Variants in CPXM2 observed in about 807,000 individuals in gnomAD.
CPXM2 encodes carboxypeptidase X, M14 family member 2.
Under a neutral mutation model 86.1 loss-of-function variants are expected in CPXM2, and 66 were observed. The observed-to-expected ratio is 0.77, with a 90% confidence interval of 0.63 to 0.94. The LOEUF is 0.94. CPXM2 is among the 40% of genes least tolerant of loss of function. The probability of loss-of-function intolerance (pLI) is 0.00; values close to 1 mark genes in which losing one functional copy is unlikely to be tolerated. For missense variants in CPXM2, 948 were observed against 1,026.3 expected (o/e 0.92, Z 1.04); for synonymous variants, 388 against 400.2 (o/e 0.97, Z 0.36).
Position 123,863,347 on chromosome 10 carries a change from C to T in CPXM2, c.404-624G>A, listed in dbSNP as rs547098715. Among the ~76,000 whole-genome samples, 13 of 152,232 alleles carry T rather than the reference C, an allele frequency of 8.5e-5. No homozygotes were observed. In the South Asian group the frequency reaches 1.9e-3, roughly 22 times the overall value. On this transcript the variant is annotated intron_variant, in intron 2 of 13. Coordinates refer to ENST00000241305, the MANE Select transcript of CPXM2 (RefSeq NM_198148.3). ...TGAGTGGTGGAGCATTTAGTGAAGG[C>T]GGAGGGGTGCACACAGTGAGTGTGA...
At chr10:123,902,803 G>A (rs766586906) in intron 2 of CPXM2, among the ~76,000 whole-genome samples, 34 of 152,134 alleles carry the variant, frequency 2.2e-4, no homozygotes, top group East Asian at 1.9e-4. Flanking sequence ...CATTCAGACC[G>A]CGACACAGAG....
chr10:123,780,120 C>CT (rs1208286960), intron 7 of CPXM2, 47 bp downstream of exon 7: 2 of 1,268,144 alleles, frequency 1.6e-6, no homozygotes, highest in South Asian at 2.4e-5. Flanking sequence ...TAATATGTTG[C>CT]TTTTTTGACA....
intron 6 of CPXM2, among the ~76,000 whole-genome samples, chr10:123,785,103 C>A (rs1445080797): frequency 1.3e-5 from 2 of 152,150 alleles, no homozygotes; most frequent in Non-Finnish European, 2.9e-5. Context: ...CCCCACCCTG[C>A]GGTGCATACT....
At chr10:123,882,706 C>T (rs1367245412) in intron 1 of CPXM2, among the ~76,000 whole-genome samples, 2 of 152,092 alleles carry the variant, frequency 1.3e-5, no homozygotes, top group African/African-American at 2.4e-5. Flanking sequence ...GGGAGCCAGG[C>T]GGTCCCCCAG....
At chr10:123,913,811 T>C (rs1945510705) in intron 2 of CPXM2, 8 of 320,688 alleles carry the variant, frequency 2.5e-5, no homozygotes, top group South Asian at 2.0e-4. Context: ...GAAAGAAAGA[T>C]GGTGTGGACT....
intron 6 of CPXM2, among the ~76,000 whole-genome samples, chr10:123,785,694 G>A (rs945883409): frequency 5.3e-5 from 8 of 150,356 alleles, no homozygotes; most frequent in Admixed American, 3.3e-4. Context: ...GTACAGAGGC[G>A]CGATCTCGGC....
intron 12 of CPXM2, among the ~76,000 whole-genome samples, chr10:123,755,862 G>T (rs1197028052): frequency 6.6e-6 from 1 of 152,192 alleles, no homozygotes; most frequent in African/African-American, 2.4e-5. Context: ...AGACTGATCA[G>T]GTTGTTACAG....
In CPXM2 at chr10:123,762,089, C is replaced by T. The variant is rs1324172632; in HGVS notation, c.1560G>A (p.Glu520=). 1.2e-6 allele frequency: 2 copies of T among 1,614,036 alleles called. No homozygotes were observed. Among genetic ancestry groups the T allele is most frequent in the African/African-American group, 2.7e-5 (2 of 74,902 alleles). ...FVLGGNLQGG[E]LVVAYPYDLV... ...GGTCGTAGGGGTACGCCACCACCAG[C>T]TCGCCGCCCTGCAGGTTGCCGCCCA... The change falls in exon 11 of 14, where the codon GAG becomes GAA. Residue 520 remains glutamate (E), a synonymous_variant. Coordinates refer to ENST00000241305, the MANE Select transcript of CPXM2 (RefSeq NM_198148.3).
chr10:123,788,221 A>G (rs1445637218), intron 6 of CPXM2, among the ~76,000 whole-genome samples: 2 of 150,076 alleles, frequency 1.3e-5, no homozygotes. Flanking sequence ...CAGAAGTTGC[A>G]GTGAGCCGAG....
At chr10:123,827,614 A>T (rs984214431) in intron 4 of CPXM2, among the ~76,000 whole-genome samples, 1 of 152,254 alleles carries the variant, frequency 6.6e-6, no homozygotes, top group East Asian at 1.9e-4. Flanking sequence ...GGTTTGGAAG[A>T]TTCAACATGG....
At chr10:123,870,459 G>C (rs1410855124) in intron 2 of CPXM2, among the ~76,000 whole-genome samples, 1 of 152,300 alleles carries the variant, frequency 6.6e-6, no homozygotes, top group African/African-American at 2.4e-5. Context: ...TTTCATTGTC[G>C]CCTATAAATG....
intron 2 of CPXM2, among the ~76,000 whole-genome samples, chr10:123,875,880 G>T (rs1451968222): frequency 1.4e-5 from 2 of 138,252 alleles, no homozygotes; most frequent in African/African-American, 2.7e-5. Flanking sequence ...GCAATGGCGT[G>T]ATCTTGGCTC....
At chr10:123,938,158 G>A (rs1945740362) in intron 2 of CPXM2, among the ~76,000 whole-genome samples, 1 of 151,880 alleles carries the variant, frequency 6.6e-6, no homozygotes, top group South Asian at 2.1e-4. Flanking sequence ...TAACACTTTT[G>A]TGTGCACACA....
intron 4 of CPXM2, among the ~76,000 whole-genome samples, chr10:123,834,814 A>T (rs1848246859): frequency 6.6e-6 from 1 of 152,086 alleles, no homozygotes; most frequent in South Asian, 2.1e-4. Context: ...GTGGGGGTGC[A>T]GGGGGTGCTG....
At chr10:123,838,092 T>C (rs1399036834) in intron 4 of CPXM2, among the ~76,000 whole-genome samples, 1 of 152,208 alleles carries the variant, frequency 6.6e-6, no homozygotes, top group Non-Finnish European at 1.5e-5. Flanking sequence ...GAGTGCTTGA[T>C]AACATCATAG....
At chr10:123,899,904 C>T (rs1945367091) in intron 2 of CPXM2, among the ~76,000 whole-genome samples, 1 of 151,992 alleles carries the variant, frequency 6.6e-6, no homozygotes, top group East Asian at 1.9e-4. Context: ...GAAGCACAAA[C>T]CATAAGGCAA....
At chr10:123,764,807 A>AATTT (rs565001360) in intron 10 of CPXM2, among the ~76,000 whole-genome samples, 1 of 151,886 alleles carries the variant, frequency 6.6e-6, no homozygotes, top group Admixed American at 6.6e-5. Context: ...TTAATTAATT[A>AATTT]ATTTATTTAT....
At chr10:123,788,192 A>G (rs889155188) in intron 6 of CPXM2, among the ~76,000 whole-genome samples, 1 of 151,560 alleles carries the variant, frequency 6.6e-6, no homozygotes, top group Non-Finnish European at 1.5e-5. Context: ...AGGCAGGAGA[A>G]TCACTTGAAC....
In CPXM2 at chr10:123,861,944, G is replaced by C. The variant is rs1327380897; in HGVS notation, c.513+670C>G. Among the ~76,000 whole-genome samples, 3 of 152,332 alleles carry C rather than the reference G, an allele frequency of 2.0e-5. No homozygotes were observed. In the South Asian group the frequency reaches 6.2e-4, roughly 32 times the overall value. On this transcript the variant is annotated intron_variant, in intron 3 of 13. Transcript: ENST00000241305. Reference sequence around the variant, plus strand: ...GTTGGGCAGTAGAAGTTTCAGGCAGGGGAACCTGCTACAGAAAGGGCCTGG... The same window carrying C: ...GTTGGGCAGTAGAAGTTTCAGGCAGCGGAACCTGCTACAGAAAGGGCCTGG...
Sources: allele counts gnomAD v4.1 joint callset (sites outside exome capture counted in the v4.1 genomes callset), GRCh38; gene constraint gnomAD v4.1.1; transcripts MANE v1.5; gene names NCBI Gene and HGNC (gene_info 2026-07-23, HGNC 2026-07-21).